PTPRO: variants seen among roughly 807,000 people sequenced by gnomAD.
PTPRO encodes protein tyrosine phosphatase receptor type O.
In PTPRO, 62 loss-of-function variants were observed where a neutral mutation model predicts 145.2. The observed-to-expected ratio is 0.43, with a 90% CI of 0.35 to 0.53. PTPRO has a LOEUF of 0.53. Ranked by LOEUF, PTPRO falls within the 20% of genes least tolerant of loss-of-function variation. The pLI, the probability that PTPRO is intolerant of heterozygous loss-of-function variation, is 0.01. For synonymous variants in PTPRO, 565 were observed against 514.7 expected (o/e 1.10, Z -1.32); for missense variants, 1,345 against 1,482.7 (o/e 0.91, Z 1.53).
chr12:15,583,355 T>C (rs572899945), intron 23 of PTPRO, among the ~76,000 whole-genome samples: 1 of 152,108 alleles, frequency 6.6e-6, no homozygotes, highest in Admixed American at 6.5e-5. Context: ...GGTACACACC[T>C]GTAGTCCCAG....
intron 1 of PTPRO, among the ~76,000 whole-genome samples, chr12:15,481,751 G>A (rs1278381045): frequency 6.6e-6 from 1 of 152,028 alleles, no homozygotes; most frequent in Non-Finnish European, 1.5e-5. Flanking sequence ...TAAGTACTAG[G>A]GCCTGTAAAA....
At chr12:15,514,474 G>GAACAGT (rs1555171717) in intron 7 of PTPRO, among the ~76,000 whole-genome samples, 39 of 129,176 alleles carry the variant, frequency 3.0e-4, no homozygotes, top group African/African-American at 1.1e-3. Context: ...AAAAAAAAAA[G>GAACAGT]AAAGAACAGT....
At chr12:15,468,552 C>A (rs1187499292) in intron 1 of PTPRO, among the ~76,000 whole-genome samples, 1 of 152,200 alleles carries the variant, frequency 6.6e-6, no homozygotes, top group African/African-American at 2.4e-5. Flanking sequence ...AGGTCTCTGC[C>A]TAACTAGCAC....
At chr12:15,369,129 C>T (rs1303671347) in intron 1 of PTPRO, among the ~76,000 whole-genome samples, 1 of 152,108 alleles carries the variant, frequency 6.6e-6, no homozygotes, top group Admixed American at 6.6e-5. Flanking sequence ...TTAATTGGAC[C>T]TTCAGTCGAT....
chr12:15,438,970 T>C (rs958881218), intron 1 of PTPRO, among the ~76,000 whole-genome samples: 1 of 151,938 alleles, frequency 6.6e-6, no homozygotes. Context: ...CTGCTAGAGG[T>C]TTTCCTTAGG....
chr12:15,424,464 AG>A (rs1940228985), intron 1 of PTPRO, among the ~76,000 whole-genome samples: 1 of 152,160 alleles, frequency 6.6e-6, no homozygotes, highest in South Asian at 2.1e-4. Context: ...TTATTTACAA[AG>A]ATTTATTAAG....
At chr12:15,457,641 T>C (rs1397037833) in intron 1 of PTPRO, among the ~76,000 whole-genome samples, 4 of 152,260 alleles carry the variant, frequency 2.6e-5, no homozygotes, top group Non-Finnish European at 4.4e-5. Context: ...ATATTTTATG[T>C]AGGTATTATC....
chr12:15,361,300 G>A (rs1032250242), intron 1 of PTPRO, among the ~76,000 whole-genome samples: 2 of 151,396 alleles, frequency 1.3e-5, no homozygotes, highest in African/African-American at 4.9e-5. Flanking sequence ...TTAGCCTGGC[G>A]TAGTGGCTCA....
At chr12:15,458,376 T>C (rs1175015955) in intron 1 of PTPRO, among the ~76,000 whole-genome samples, 3 of 152,088 alleles carry the variant, frequency 2.0e-5, no homozygotes, top group Non-Finnish European at 2.9e-5. Context: ...TAGGCTTCCT[T>C]TTTTCCTCCA....
At chr12:15,514,007 C>T (rs1174594451) in intron 7 of PTPRO, among the ~76,000 whole-genome samples, 1 of 152,176 alleles carries the variant, frequency 6.6e-6, no homozygotes. Flanking sequence ...ATATTAGAGA[C>T]ACTGAAGGTC....
At chr12:15,345,594 A>G (rs1867175849) in intron 1 of PTPRO, among the ~76,000 whole-genome samples, 1 of 151,644 alleles carries the variant, frequency 6.6e-6, no homozygotes, top group Non-Finnish European at 1.5e-5. Context: ...AACATCACAC[A>G]CCGGGGCCTG....
chr12:15,391,953 A>G (rs974331574), intron 1 of PTPRO, among the ~76,000 whole-genome samples: 1 of 152,136 alleles, frequency 6.6e-6, no homozygotes, highest in Non-Finnish European at 1.5e-5. Context: ...GAGTGCATGT[A>G]TCACATCCAA....
intron 1 of PTPRO, among the ~76,000 whole-genome samples, chr12:15,430,215 G>A (rs1940395728): frequency 6.6e-6 from 1 of 151,714 alleles, no homozygotes; most frequent in South Asian, 2.1e-4. Flanking sequence ...TACAGAGATA[G>A]CAGGCAGAGA....
chr12:15,566,889 A>T (rs2135598113), intron 18 of PTPRO, among the ~76,000 whole-genome samples: 1 of 152,352 alleles, frequency 6.6e-6, no homozygotes, highest in South Asian at 2.1e-4. Flanking sequence ...AGATAAGACC[A>T]GACTGAATAG....
intron 1 of PTPRO, among the ~76,000 whole-genome samples, chr12:15,477,404 T>C (rs1454573846): frequency 2.1e-5 from 3 of 145,008 alleles, no homozygotes; most frequent in African/African-American, 7.7e-5. Context: ...TAATGCTAGA[T>C]GATGAGTTAG....
At chr12:15,549,012 T>C in intron 13 of PTPRO, 82 bp from the exon 14 acceptor site, 1 of 1,427,680 alleles carries the variant, frequency 7.0e-7, no homozygotes, top group Non-Finnish European at 9.8e-7. Flanking sequence ...TGTCAATCTA[T>C]TACCAACTCA....
intron 2 of PTPRO, among the ~76,000 whole-genome samples, chr12:15,494,845 G>T (rs1942069208): frequency 6.6e-6 from 1 of 152,172 alleles, no homozygotes; most frequent in Non-Finnish European, 1.5e-5. Context: ...CCCTGATGAG[G>T]ATGTGAAACA....
rs1029553841 is a variant in PTPRO, at chr12:15,395,432, A to G, written c.75+72631A>G. Among the ~76,000 whole-genome samples the G allele has an allele frequency of 5.3e-5, 8 of 152,272 alleles. No homozygotes were observed. In the South Asian group the frequency reaches 1.0e-3, roughly 20 times the overall value. The stretch of plus-strand genomic sequence containing the variant: ...AATATGTCTTAATCAGATCACAAAC[A>G]TAAGTCAAAATATAAGAGAGTTCAC... On this transcript the variant is annotated intron_variant, in intron 1 of 26. Coordinates refer to ENST00000281171, the MANE Select transcript of PTPRO (RefSeq NM_030667.3).
chr12:15,385,809 C>G (rs1271931733), intron 1 of PTPRO, among the ~76,000 whole-genome samples: 1 of 82,146 alleles, frequency 1.2e-5, no homozygotes, highest in Non-Finnish European at 2.1e-5. Context: ...AAGACTCCAT[C>G]TCAAAAAAAA....
Sources: gnomAD v4.1 joint callset for allele counts (sites outside exome capture counted in the v4.1 genomes callset) on GRCh38, gnomAD v4.1.1 for gene constraint, MANE v1.5 for transcripts, NCBI Gene and HGNC (gene_info 2026-07-23, HGNC 2026-07-21) for gene names.